HEATR5B: variants seen among roughly 807,000 people sequenced by gnomAD.
HEATR5B encodes HEAT repeat containing 5B, also known as HEAT repeat-containing protein 5B.
In HEATR5B, 156 loss-of-function variants were observed where a neutral mutation model predicts 224.1. The ratio of observed to expected loss-of-function variants is 0.70; its 90% CI spans 0.61 to 0.80. The LOEUF is 0.80. Ranked by LOEUF, HEATR5B falls within the 30% of genes least tolerant of loss-of-function variation. HEATR5B has a pLI of 0.00. For synonymous variants in HEATR5B, 1,027 were observed against 893.0 expected, an observed-to-expected ratio of 1.15 and a Z score of -2.68; for missense variants, 2,323 against 2,535.5, an observed-to-expected ratio of 0.92 and a Z score of 1.80.
In HEATR5B at chr2:37,068,863, G is replaced by A. The variant is rs749712683; in HGVS notation, c.995C>T (p.Ser332Phe). 1 of 1,614,126 alleles carries A rather than the reference G, an allele frequency of 6.2e-7. No homozygotes were observed. Residue 332 changes from serine (S) to phenylalanine (F), a missense_variant, in exon 8 of 36, where the codon TCC becomes TTC. Ser to Phe is a radical substitution (Grantham distance 155). Around this residue, in one of 12 missense-constraint regions of HEATR5B, gnomAD observed 502 missense variants for 517.8 expected, o/e 0.97. Coordinates refer to ENST00000233099, the MANE Select transcript of HEATR5B (RefSeq NM_019024.3). Reference sequence around the variant, plus strand: ...ATGGGAAACCAGATCAAGTACATGGGACAGGAACGTGGCAAAGCTGCGCTC... The same window carrying A: ...ATGGGAAACCAGATCAAGTACATGGAACAGGAACGTGGCAAAGCTGCGCTC... The part of the protein sequence containing the change: ...WLERSFATFL[S>F]HVLDLVSHPR...
At chr2:37,072,861 T>C (rs970582500) in intron 5 of HEATR5B, among the ~76,000 whole-genome samples, 2 of 152,178 alleles carry the variant, frequency 1.3e-5, no homozygotes, top group African/African-American at 4.8e-5. Flanking sequence ...TGAACAACTT[T>C]ATGCCAATAA....
Position 37,072,142 on chromosome 2 carries a change from A to G in HEATR5B, c.737T>C (p.Met246Thr). 6.2e-7 allele frequency: 1 copy of G among 1,614,094 alleles called. No individual in the cohort carries two copies. The highest frequency in any genetic ancestry group is 8.5e-7 in the Non-Finnish European group (1 of 1,179,978). The change falls in exon 6 of 36, where the codon ATG becomes ACG. Residue 246 changes from methionine to threonine, a missense_variant. Met to Thr is a moderately conservative substitution (Grantham distance 81, BLOSUM62 -1). Coordinates refer to ENST00000233099, the MANE Select transcript of HEATR5B (RefSeq NM_019024.3). ...VAVSKLLGTV[M>T]ATALMPKQAT... ...CTGTTTTGGCATTAATGCTGTGGCCATGACTGTTCCTAAAAGTTTAGACAC... is the reference window on the plus strand; with the variant it reads ...CTGTTTTGGCATTAATGCTGTGGCCGTGACTGTTCCTAAAAGTTTAGACAC...
At chr2:36,987,889 T>A (rs533167595) in intron 35 of HEATR5B, among the ~76,000 whole-genome samples, 1 of 151,936 alleles carries the variant, frequency 6.6e-6, no homozygotes, top group Non-Finnish European at 1.5e-5. Flanking sequence ...CTGGGCAACA[T>A]GGCAAAAACC....
At position 37,022,419 on chromosome 2, in the gene HEATR5B, C is replaced by T. The variant is rs562964575; in HGVS notation, c.3854-1583G>A. ...GTCTCAAACTCCTGACCTTGTGATT[C>T]GCCCACCTCGGCCTCCCAAAGTGCT... On this transcript the variant is annotated intron_variant, in intron 24 of 35. Coordinates refer to ENST00000233099, the MANE Select transcript of HEATR5B (RefSeq NM_019024.3). Among the ~76,000 whole-genome samples the T allele has an allele frequency of 7.9e-5, 12 of 152,248 alleles. No homozygotes were observed. The East Asian group carries it at 1.9e-3, about 25-fold the overall frequency.
Position 37,000,645 on chromosome 2 carries a change from T to G in HEATR5B, c.5486A>C (p.Lys1829Thr). ...GCTACGAATCAGAGCTGTCCACTGTTTTTGAACGCCAGCCTCAGTTTTGGC... is the reference window on the plus strand; with the variant it reads ...GCTACGAATCAGAGCTGTCCACTGTGTTTGAACGCCAGCCTCAGTTTTGGC... ...SMAKTEAGVQ[K>T]QWTALIRSTL... is the part of the protein sequence containing the mutation. The change falls in exon 33 of 36, where the codon AAA (lysine) becomes ACA (threonine). Residue 1829 changes from lysine (K) to threonine (T), a missense_variant. Physicochemically the swap from Lys to Thr is moderately conservative, Grantham distance 78. This residue lies in a region of HEATR5B where 844 missense variants were observed against 812.9 expected (regional missense o/e 1.04). Coordinates refer to ENST00000233099, the MANE Select transcript of HEATR5B (RefSeq NM_019024.3). The G allele has an allele frequency of 6.2e-7, 1 of 1,614,210 alleles. No individual in the cohort carries two copies. The highest frequency in any genetic ancestry group is 8.5e-7 in the Non-Finnish European group (1 of 1,180,030).
chr2:37,020,014 C>T (rs1668370158), intron 25 of HEATR5B, 137 bp from the exon 26 acceptor site: 3 of 574,538 alleles, frequency 5.2e-6, no homozygotes, highest in Non-Finnish European at 9.2e-6. Flanking sequence ...AGCGATTCTC[C>T]TCCCTCAGCC....
At chr2:37,003,257 CCG>C (rs1192249987) in intron 31 of HEATR5B, among the ~76,000 whole-genome samples, 2 of 105,934 alleles carry the variant, frequency 1.9e-5, no homozygotes, top group Admixed American at 1.8e-4. Flanking sequence ...ACTGTCCCGC[CCG>C]CAAAAAAAAA....
At chr2:37,060,466 T>A (rs1671212962) in intron 12 of HEATR5B, 115 bp downstream of exon 12, 1 of 829,384 alleles carries the variant, frequency 1.2e-6, no homozygotes, top group Admixed American at 3.0e-5. Flanking sequence ...TAAAAGCCTA[T>A]GAATTTATCA....
intron 1 of HEATR5B, among the ~76,000 whole-genome samples, chr2:37,083,951 G>A (rs1023243189): frequency 6.6e-6 from 1 of 152,204 alleles, no homozygotes; most frequent in African/African-American, 2.4e-5. Context: ...GGGGCGGCCA[G>A]GCCCGGCGGC....
chr2:37,078,268 C>G (rs1184844391), intron 3 of HEATR5B, among the ~76,000 whole-genome samples: 1 of 152,208 alleles, frequency 6.6e-6, no homozygotes, highest in Non-Finnish European at 1.5e-5. Context: ...ACAGTAGAAT[C>G]AGGGAATCAA....
At chr2:37,029,936 A>AAAATAAATAAATAAATAAATAAAT (rs150155666) in intron 22 of HEATR5B, among the ~76,000 whole-genome samples, 2 of 142,466 alleles carry the variant, frequency 1.4e-5, no homozygotes, top group African/African-American at 2.6e-5. Flanking sequence ...TCTATCTCAA[A>AAAATAAATAAATAAATAAATAAAT]AAATAAATAA....
At chr2:37,035,818 CTT>C (rs1418736492) in intron 21 of HEATR5B, among the ~76,000 whole-genome samples, 2 of 152,174 alleles carry the variant, frequency 1.3e-5, no homozygotes, top group Admixed American at 1.3e-4. Context: ...CCAGACCTCT[CTT>C]TTCTGAGCTC....
At chr2:37,004,943 A>G (rs1046536394) in intron 30 of HEATR5B, among the ~76,000 whole-genome samples, 1 of 152,112 alleles carries the variant, frequency 6.6e-6, no homozygotes, top group Non-Finnish European at 1.5e-5. Context: ...CTTACAAACC[A>G]ACCTACCTCT....
At chr2:37,002,776 T>C (rs180949538) in intron 31 of HEATR5B, among the ~76,000 whole-genome samples, 1 of 152,328 alleles carries the variant, frequency 6.6e-6, no homozygotes, top group African/African-American at 2.4e-5. Flanking sequence ...ATTTTTCACT[T>C]GGAAAATCTT....
intron 18 of HEATR5B, among the ~76,000 whole-genome samples, chr2:37,042,623 G>A (rs1335815062): frequency 6.6e-6 from 1 of 152,152 alleles, no homozygotes; most frequent in Non-Finnish European, 1.5e-5. Context: ...CGGGCACAGT[G>A]GCTCATGCCT....
intron 22 of HEATR5B, among the ~76,000 whole-genome samples, chr2:37,030,272 T>C (rs755963123): frequency 5.3e-4 from 81 of 151,874 alleles, no homozygotes; most frequent in Non-Finnish European, 9.3e-4. Flanking sequence ...TCTAAAACAA[T>C]AGAAAAAGTT....
At chr2:37,084,196 T>C (rs10188586) in intron 1 of HEATR5B, 73 bp downstream of exon 1, 23,537 of 329,362 alleles carry the variant, frequency 0.071, 935 homozygotes, top group Non-Finnish European at 0.085. Context: ...CTCAAATGTC[T>C]TCCCCACCCG....
In HEATR5B at chr2:36,981,621, G is replaced by C. The variant is rs1665586861; in HGVS notation, c.6085C>G (p.Pro2029Ala). Reference protein sequence around the residue: ...HAFKTVMGAAPELKVRLETAV... With the variant: ...HAFKTVMGAAAELKVRLETAV... ...GTTTCTAGACGCACTTTCAACTCAG[G>C]AGCAGCCCCCATTACTGTCTTGAAA... The change falls in exon 36 of 36, where the codon CCT (proline) becomes GCT (alanine). Residue 2029 changes from proline to alanine, a missense_variant. This residue lies in a region of HEATR5B where 844 missense variants were observed against 812.9 expected (regional missense o/e 1.04). Coordinates refer to ENST00000233099, the MANE Select transcript of HEATR5B (RefSeq NM_019024.3). 6.2e-7 allele frequency: 1 copy of C among 1,614,074 alleles called. No homozygotes were observed. The highest frequency in any genetic ancestry group is 8.5e-7 in the Non-Finnish European group (1 of 1,180,052).
At position 37,028,875 on chromosome 2, in the gene HEATR5B, T is replaced by C. The variant is rs1668945886; in HGVS notation, c.3407A>G (p.His1136Arg). 3 of 1,613,854 alleles carry C rather than the reference T, an allele frequency of 1.9e-6. No individual in the cohort carries two copies. Among genetic ancestry groups the C allele is most frequent in the East Asian group, 2.2e-5 (1 of 44,884 alleles). Residue 1136 changes from histidine to arginine, a missense_variant, in exon 23 of 36, where the codon CAT becomes CGT. Coordinates refer to ENST00000233099, the MANE Select transcript of HEATR5B (RefSeq NM_019024.3). Reference sequence around the variant, plus strand: ...TATATTAACACCTTGGTGCCGGCAATGGATATCAGTTCGAGAACTAACCCC... The same window carrying C: ...TATATTAACACCTTGGTGCCGGCAACGGATATCAGTTCGAGAACTAACCCC... Reference protein sequence around the residue: ...APGVSSRTDIHCRHQGVNITE... With the variant: ...APGVSSRTDIRCRHQGVNITE...
Sources: allele counts gnomAD v4.1 joint callset (sites outside exome capture counted in the v4.1 genomes callset), GRCh38; gene constraint gnomAD v4.1.1; regional missense constraint gnomAD v4.1.1; transcripts MANE v1.5; gene names NCBI Gene and HGNC (gene_info 2026-07-23, HGNC 2026-07-21).